INPP4A: variants seen among roughly 807,000 people sequenced by gnomAD.
INPP4A encodes inositol polyphosphate-4-phosphatase type I A.
In INPP4A, 33 loss-of-function variants were observed where a neutral mutation model predicts 119.8. The observed-to-expected ratio is 0.28, with a 90% confidence interval of 0.21 to 0.37. INPP4A has a LOEUF of 0.37. Ranked by LOEUF, INPP4A falls within the 10% of genes least tolerant of loss-of-function variation. INPP4A has a pLI of 1.00. For missense variants in INPP4A, 956 were observed against 1,289.9 expected, an observed-to-expected ratio of 0.74 and a Z score of 3.97; for synonymous variants, 496 against 500.7, an observed-to-expected ratio of 0.99 and a Z score of 0.12.
At chr2:98,550,556 TC>T (rs1466269765) in intron 13 of INPP4A, among the ~76,000 whole-genome samples, 2 of 152,290 alleles carry the variant, frequency 1.3e-5, no homozygotes, top group East Asian at 3.9e-4. Context: ...TAATGCAAAG[TC>T]CAAGGGCTAT....
At chr2:98,474,482 G>A (rs976810721) in intron 1 of INPP4A, among the ~76,000 whole-genome samples, 5 of 152,212 alleles carry the variant, frequency 3.3e-5, no homozygotes, top group Non-Finnish European at 5.9e-5. Context: ...ATGAGCCCAC[G>A]CTGGCACCAC....
chr2:98,559,330 C>T lies in INPP4A; in HGVS notation c.1823-133C>T, dbSNP rs1559074791. 6 of 976,382 alleles carry T rather than the reference C, an allele frequency of 6.1e-6. No individual in the cohort carries two copies. The East Asian group carries it at 1.6e-4, about 25-fold the overall frequency. The allele number at this position is 976,382 out of a possible 1,614,324, so 60.5% of individuals were successfully genotyped here. A position where few individuals can be genotyped will look rare whatever the true frequency, so the allele number is the denominator to read the frequency against. On this transcript the variant is annotated intron_variant, in intron 16 of 24. Transcript: ENST00000409851. Reference sequence around the variant, plus strand: ...TTCTTGGGGAAGAGGCAGCCAGGCACCCAGACCTCTTTTCTGTTTGTTAGC... The same window carrying T: ...TTCTTGGGGAAGAGGCAGCCAGGCATCCAGACCTCTTTTCTGTTTGTTAGC...
chr2:98,445,991 G>T (rs990166197), intron 1 of INPP4A, among the ~76,000 whole-genome samples: 3 of 152,224 alleles, frequency 2.0e-5, no homozygotes, highest in Non-Finnish European at 4.4e-5. Flanking sequence ...TGGGGGTGGG[G>T]TGGCGATTTG....
intron 4 of INPP4A, among the ~76,000 whole-genome samples, chr2:98,525,871 A>G (rs1336431691): frequency 6.6e-6 from 1 of 152,228 alleles, no homozygotes; most frequent in Non-Finnish European, 1.5e-5. Flanking sequence ...GAACTTTTGT[A>G]TATTGCTGGT....
chr2:98,521,785 A>AT (rs1687243007), intron 4 of INPP4A: 1 of 151,804 alleles, frequency 6.6e-6, no homozygotes, highest in Non-Finnish European at 1.5e-5. Context: ...AAAAAAAAAA[A>AT]CTTACCTGGC....
chr2:98,578,934 C>T (rs1346154442), intron 24 of INPP4A, among the ~76,000 whole-genome samples: 4 of 152,248 alleles, frequency 2.6e-5, no homozygotes, highest in African/African-American at 9.6e-5. Flanking sequence ...ATGGGCCAAC[C>T]AGTCCCTGAA....
intron 1 of INPP4A, among the ~76,000 whole-genome samples, chr2:98,505,699 C>T (rs1366930959): frequency 6.6e-6 from 1 of 152,208 alleles, no homozygotes; most frequent in Non-Finnish European, 1.5e-5. Flanking sequence ...CAGAGCCAGC[C>T]GTCACCACAG....
chr2:98,527,226 A>C (rs1487700703), intron 4 of INPP4A, among the ~76,000 whole-genome samples: 1 of 152,200 alleles, frequency 6.6e-6, no homozygotes, highest in African/African-American at 2.4e-5. Context: ...GGGGTTGGAG[A>C]TCCTACAAAA....
intron 1 of INPP4A, among the ~76,000 whole-genome samples, chr2:98,488,935 C>CTGTGTGTGTGTG (rs55758146): frequency 1.4e-4 from 18 of 126,120 alleles, no homozygotes; most frequent in African/African-American, 5.1e-4. Flanking sequence ...AGTACATGCA[C>CTGTGTGTGTGTG]TGTGTGTGTG....
intron 1 of INPP4A, among the ~76,000 whole-genome samples, chr2:98,507,979 G>A (rs1226707852): frequency 6.6e-6 from 1 of 152,184 alleles, no homozygotes; most frequent in Non-Finnish European, 1.5e-5. Context: ...CTGGGTTGAG[G>A]GGGTGGGTGG....
intron 1 of INPP4A, among the ~76,000 whole-genome samples, chr2:98,507,085 G>A (rs1684207287): frequency 6.6e-6 from 1 of 152,178 alleles, no homozygotes; most frequent in Non-Finnish European, 1.5e-5. Context: ...GTGGCCGCTG[G>A]CCACTGCTGT....
chr2:98,447,079 C>A (rs1282827320), intron 1 of INPP4A, among the ~76,000 whole-genome samples: 1 of 152,180 alleles, frequency 6.6e-6, no homozygotes, highest in Non-Finnish European at 1.5e-5. Flanking sequence ...CCCCACTGAT[C>A]CCCAGCCCAG....
intron 16 of INPP4A, among the ~76,000 whole-genome samples, chr2:98,558,006 G>A (rs62157964): frequency 0.011 from 1,735 of 152,300 alleles, 16 homozygotes; most frequent in Non-Finnish European, 0.019. Context: ...GTACACCCAG[G>A]TTCTTGTACC....
At chr2:98,505,627 A>G (rs1030479746) in intron 1 of INPP4A, among the ~76,000 whole-genome samples, 2 of 152,206 alleles carry the variant, frequency 1.3e-5, no homozygotes, top group African/African-American at 2.4e-5. Flanking sequence ...GTAATAGTAA[A>G]TAGAAGGAAG....
chr2:98,490,990 GA>G (rs11396111), intron 1 of INPP4A, among the ~76,000 whole-genome samples: 1 of 151,900 alleles, frequency 6.6e-6, no homozygotes, highest in African/African-American at 2.4e-5. Context: ...AATTACAGTA[GA>G]AAAAAATAAA....
chr2:98,515,139 T>C (rs779798663), intron 1 of INPP4A, among the ~76,000 whole-genome samples: 4 of 152,144 alleles, frequency 2.6e-5, no homozygotes, highest in Non-Finnish European at 5.9e-5. Flanking sequence ...AGGAAGGTGA[T>C]ATTTGTCTTT....
intron 1 of INPP4A, among the ~76,000 whole-genome samples, chr2:98,515,217 T>G (rs1198720749): frequency 6.6e-6 from 1 of 152,222 alleles, no homozygotes; most frequent in Non-Finnish European, 1.5e-5. Flanking sequence ...ATCTATGATT[T>G]TAGCTGTCTT....
At chr2:98,551,941 A>G (rs1693605663) in intron 13 of INPP4A, among the ~76,000 whole-genome samples, 1 of 152,190 alleles carries the variant, frequency 6.6e-6, no homozygotes, top group Non-Finnish European at 1.5e-5. Flanking sequence ...GTTGGACCCA[A>G]CACACTGGCC....
At chr2:98,506,825 C>T (rs942364795) in intron 1 of INPP4A, among the ~76,000 whole-genome samples, 21 of 152,192 alleles carry the variant, frequency 1.4e-4, no homozygotes, top group Admixed American at 4.6e-4. Flanking sequence ...GCCCACAATG[C>T]GGGCACTCCC....
Sources: gnomAD v4.1 joint callset for allele counts (sites outside exome capture counted in the v4.1 genomes callset) on GRCh38, gnomAD v4.1.1 for gene constraint, MANE v1.5 for transcripts, NCBI Gene and HGNC (gene_info 2026-07-23, HGNC 2026-07-21) for gene names.